Variants in DPP10 observed in about 807,000 individuals in gnomAD.
DPP10 encodes the protein inactive dipeptidyl peptidase 10.
In DPP10, 33 loss-of-function variants were observed where a neutral mutation model predicts 120.9. The ratio of observed to expected loss-of-function variants is 0.27; its 90% confidence interval spans 0.21 to 0.37. DPP10 has a LOEUF of 0.37. Among genes scored for constraint, DPP10 ranks in the 10% least tolerant of loss-of-function variants. The probability of loss-of-function intolerance (pLI) is 1.00; values close to 1 mark genes in which losing one functional copy is unlikely to be tolerated. For missense variants in DPP10, 816 were observed against 942.8 expected (o/e 0.87, Z 1.76); for synonymous variants, 337 against 326.1 (o/e 1.03, Z -0.36).
intron 13 of DPP10, among the ~76,000 whole-genome samples, chr2:115,776,831 G>C (rs180986689): frequency 6.8e-6 from 1 of 147,770 alleles, no homozygotes; most frequent in Admixed American, 7.0e-5. Context: ...ACAAACCTGA[G>C]TATTTATTGG....
chr2:115,739,887 T>C lies in DPP10; in HGVS notation c.846T>C (p.Tyr282=). 1 of 1,613,054 alleles carries C rather than the reference T, an allele frequency of 6.2e-7. No homozygotes were observed. Among genetic ancestry groups the C allele is most frequent in the Non-Finnish European group, 8.5e-7 (1 of 1,179,198 alleles). ...ALYPKGKQYP[Y]PKAGQVNPTI... The stretch of plus-strand genomic sequence containing the variant: ...ATCCCAAAGGAAAGCAGTATCCGTA[T>C]CCTAAGGTAAGTAACATGGAAGTAC... Residue 282 remains tyrosine, a synonymous_variant, in exon 9 of 26, where the codon TAT becomes TAC. Transcript: ENST00000410059.
intron 3 of DPP10, among the ~76,000 whole-genome samples, chr2:115,490,469 G>T (rs1280908441): frequency 6.6e-6 from 1 of 152,204 alleles, no homozygotes; most frequent in South Asian, 2.1e-4. Context: ...TGAGATTTGG[G>T]TGGGGACACA....
intron 1 of DPP10, among the ~76,000 whole-genome samples, chr2:114,948,059 TAATTC>T (rs1697498841): frequency 6.6e-6 from 1 of 152,084 alleles, no homozygotes. Flanking sequence ...GGACTATTAT[TAATTC>T]AATACTGACA....
intron 1 of DPP10, among the ~76,000 whole-genome samples, chr2:115,099,130 CAAAAAAA>C (rs55815168): frequency 4.0e-5 from 3 of 74,802 alleles, no homozygotes; most frequent in Non-Finnish European, 5.7e-5. Flanking sequence ...GCTAAAAATA[CAAAAAAA>C]AAAAAAAAAG....
intron 3 of DPP10, among the ~76,000 whole-genome samples, chr2:115,382,425 A>G (rs1221263456): frequency 1.7e-4 from 26 of 152,154 alleles, no homozygotes; most frequent in African/African-American, 5.5e-4. Flanking sequence ...GCTCGCGCAC[A>G]GTGCGCGCAC....
At chr2:114,694,415 T>C (rs1318873382) in intron 1 of DPP10, among the ~76,000 whole-genome samples, 1 of 151,984 alleles carries the variant, frequency 6.6e-6, no homozygotes, top group Non-Finnish European at 1.5e-5. Flanking sequence ...AATCGAAACA[T>C]AGTTTTTTGT....
At chr2:114,502,870 C>G (rs1683320600) in intron 1 of DPP10, among the ~76,000 whole-genome samples, 1 of 152,198 alleles carries the variant, frequency 6.6e-6, no homozygotes, top group Non-Finnish European at 1.5e-5. Flanking sequence ...TGAGATCAGA[C>G]TAAGTGTGAA....
intron 1 of DPP10, among the ~76,000 whole-genome samples, chr2:114,879,221 A>T (rs1243365940): frequency 6.6e-6 from 1 of 151,574 alleles, no homozygotes; most frequent in Admixed American, 6.6e-5. Flanking sequence ...CACTACTGTC[A>T]GGTAGGGCAT....
intron 3 of DPP10, among the ~76,000 whole-genome samples, chr2:115,345,638 G>T (rs186899621): frequency 7.2e-5 from 11 of 152,108 alleles, no homozygotes; most frequent in Non-Finnish European, 1.2e-4. Context: ...AAAATTATGG[G>T]TCTCATCTCC....
In DPP10 at chr2:115,739,724, A is replaced by T; in HGVS notation, c.698-15A>T. ...ATCTCTACAGTTGGTCTCAAATAAC[A>T]CTCATTTATTCTAGAGGAACTCCTG... On this transcript the variant is annotated splice_polypyrimidine_tract_variant and intron_variant, in intron 8 of 25. Coordinates refer to ENST00000410059, the MANE Select transcript of DPP10 (RefSeq NM_020868.6). 1 of 1,610,938 alleles carries T rather than the reference A, an allele frequency of 6.2e-7. No homozygotes were observed. The highest frequency in any genetic ancestry group is 8.5e-7 in the Non-Finnish European group (1 of 1,177,586).
rs572820653 is a variant in DPP10 at position 115,441,325 on chromosome 2, C to T, written c.272-58185C>T. Among the ~76,000 whole-genome samples the T allele has an allele frequency of 2.0e-5, 3 of 152,234 alleles. No homozygotes were observed. In the South Asian group the frequency reaches 6.2e-4, roughly 32 times the overall value. The stretch of plus-strand genomic sequence containing the variant: ...TAGACTTGCAGCTGGAGTTCTTCAG[C>T]AAGCTGTGATGTCTCTGACCTAGAT... On this transcript the variant is annotated intron_variant, in intron 3 of 25. Coordinates refer to ENST00000410059, the MANE Select transcript of DPP10 (RefSeq NM_020868.6).
chr2:114,471,139 T>C (rs897391232), intron 1 of DPP10, among the ~76,000 whole-genome samples: 3 of 152,194 alleles, frequency 2.0e-5, no homozygotes, highest in Non-Finnish European at 4.4e-5. Context: ...ACCACATCAT[T>C]AAAACTTGAT....
intron 1 of DPP10, among the ~76,000 whole-genome samples, chr2:114,447,034 A>ATTT (rs3981301): frequency 0.083 from 11,532 of 138,290 alleles, 859 homozygotes; most frequent in African/African-American, 0.18. Flanking sequence ...TGGTTGTTAA[A>ATTT]TTTTTTTTTT....
chr2:115,272,795 C>T (rs984132455), intron 1 of DPP10, among the ~76,000 whole-genome samples: 2 of 152,312 alleles, frequency 1.3e-5, no homozygotes, highest in South Asian at 2.1e-4. Context: ...TCTTTTTCTG[C>T]GGGCTGCGCT....
rs530587402 is a variant in DPP10 at position 115,118,293 on chromosome 2, A to G, written c.61-190946A>G. Among the ~76,000 whole-genome samples, 10 of 152,336 alleles carry G rather than the reference A, an allele frequency of 6.6e-5. No individual in the cohort carries two copies. In the South Asian group the frequency reaches 2.1e-3, roughly 32 times the overall value. ...ACCAATATTATCTTTTACCTAGACC[A>G]TTTATTTACTCCAAAGTAATTTCTA... On this transcript the variant is annotated intron_variant, in intron 1 of 25. Transcript: ENST00000410059.
chr2:115,093,691 A>G (rs1182495890), intron 1 of DPP10, among the ~76,000 whole-genome samples: 1 of 152,112 alleles, frequency 6.6e-6, no homozygotes, highest in East Asian at 1.9e-4. Context: ...ATTCTGACTC[A>G]TAAGTGGTGG....
At chr2:115,323,379 C>T (rs2062167235) in intron 2 of DPP10, among the ~76,000 whole-genome samples, 1 of 152,110 alleles carries the variant, frequency 6.6e-6, no homozygotes. Context: ...TCTTGCTGCC[C>T]CTACCACATC....
chr2:115,746,031 C>T, intron 9 of DPP10, 55 bp from the exon 10 acceptor site: 2 of 1,249,202 alleles, frequency 1.6e-6, no homozygotes, highest in South Asian at 2.9e-5. Flanking sequence ...TTCTTTTTTA[C>T]CCAATATATT....
chr2:114,597,544 AG>A (rs1446433124), intron 1 of DPP10, among the ~76,000 whole-genome samples: 1 of 151,998 alleles, frequency 6.6e-6, no homozygotes, highest in Non-Finnish European at 1.5e-5. Flanking sequence ...TTAGAAATGA[AG>A]GCTGCGGCTA....
Sources: gnomAD v4.1 joint callset for allele counts (sites outside exome capture counted in the v4.1 genomes callset) on GRCh38, gnomAD v4.1.1 for gene constraint, MANE v1.5 for transcripts, NCBI Gene and HGNC (gene_info 2026-07-23, HGNC 2026-07-21) for gene names.